The following AGMO variants were observed in gnomAD, a reference collection of about 807,000 sequenced individuals.
The protein encoded by AGMO is alkylglycerol monooxygenase.
A neutral mutation model predicts 60.2 loss-of-function variants in AGMO; 75 were observed. That is an observed-to-expected ratio of 1.25 (90% CI 1.03 to 1.51). The LOEUF (loss-of-function observed/expected upper bound fraction) is 1.51. Ranked by LOEUF, AGMO falls within the 40% of genes most tolerant of loss-of-function variation. AGMO has a pLI of 0.00. For missense variants in AGMO, 763 were observed against 525.5 expected (o/e 1.45, Z -4.42); for synonymous variants, 261 against 177.1 (o/e 1.47, Z -3.76).
chr7:15,177,661 A>G, the AGMO span, among the ~76,000 whole-genome samples: 1 of 152,098 alleles, frequency 6.6e-6, no homozygotes, highest in African/African-American at 2.4e-5. Context: ...AGCATGTCTT[A>G]ACTCTTACTC....
chr7:15,201,451 G>T, intron 12 of AGMO, 92 bp from the exon 13 acceptor site: 1 of 871,818 alleles, frequency 1.1e-6, no homozygotes, highest in South Asian at 1.7e-5. Context: ...AGAGGAAAAT[G>T]AACATGGACA....
At chr7:15,310,255 C>G (rs1453105460) in intron 12 of AGMO, among the ~76,000 whole-genome samples, 1 of 152,086 alleles carries the variant, frequency 6.6e-6, no homozygotes, top group Non-Finnish European at 1.5e-5. Context: ...AGTAAATGAT[C>G]AAAGCTGTGG....
At chr7:15,457,859 T>C (rs1165452097) in intron 3 of AGMO, among the ~76,000 whole-genome samples, 1 of 152,142 alleles carries the variant, frequency 6.6e-6, no homozygotes. Flanking sequence ...TTTCCAGGCT[T>C]TACTCTTTGG....
At chr7:15,148,436 G>A in the AGMO span, among the ~76,000 whole-genome samples, 1 of 152,068 alleles carries the variant, frequency 6.6e-6, no homozygotes, top group Non-Finnish European at 1.5e-5. Flanking sequence ...CACCCAGGTA[G>A]TGAGCATGGT....
chr7:15,223,667 T>C (rs1386804863), intron 12 of AGMO, among the ~76,000 whole-genome samples: 1 of 151,992 alleles, frequency 6.6e-6, no homozygotes, highest in African/African-American at 2.4e-5. Flanking sequence ...AATAAGACTC[T>C]GCTACATGAA....
chr7:15,372,080 T>C (rs1050401288), intron 10 of AGMO, among the ~76,000 whole-genome samples: 2 of 152,182 alleles, frequency 1.3e-5, no homozygotes, highest in African/African-American at 4.8e-5. Flanking sequence ...GGGTTCATTT[T>C]CCTATGGAAC....
chr7:15,193,840 C>A, the AGMO span, among the ~76,000 whole-genome samples: 1 of 152,042 alleles, frequency 6.6e-6, no homozygotes, highest in Non-Finnish European at 1.5e-5. Flanking sequence ...TGTCTGGCAG[C>A]AAAACATACT....
chr7:15,254,086 A>G (rs1364469487), intron 12 of AGMO, among the ~76,000 whole-genome samples: 1 of 152,080 alleles, frequency 6.6e-6, no homozygotes, highest in Non-Finnish European at 1.5e-5. Flanking sequence ...CATTGTGGAT[A>G]TGTGTAATAT....
At chr7:15,482,448 AAAT>A (rs1238379556) in intron 3 of AGMO, among the ~76,000 whole-genome samples, 3 of 152,284 alleles carry the variant, frequency 2.0e-5, no homozygotes, top group African/African-American at 7.2e-5. Context: ...ATCAAAAAGG[AAAT>A]AATAATTAGA....
chr7:15,411,840 A>G (rs111377464), intron 5 of AGMO, among the ~76,000 whole-genome samples: 2 of 152,090 alleles, frequency 1.3e-5, no homozygotes, highest in African/African-American at 4.8e-5. Flanking sequence ...AGATAAATAG[A>G]ATGGAGATAG....
chr7:15,188,490 A>G, the AGMO span, among the ~76,000 whole-genome samples: 2 of 152,216 alleles, frequency 1.3e-5, no homozygotes, highest in Non-Finnish European at 2.9e-5. Flanking sequence ...ACTGTCAATA[A>G]GGACATGAGT....
intron 3 of AGMO, among the ~76,000 whole-genome samples, chr7:15,437,424 T>C (rs567484250): frequency 6.6e-6 from 1 of 152,310 alleles, no homozygotes; most frequent in African/African-American, 2.4e-5. Flanking sequence ...AATTTGTAAG[T>C]TGGCTGGGCC....
intron 12 of AGMO, among the ~76,000 whole-genome samples, chr7:15,356,953 CAAAAAAA>C (rs917201250): frequency 7.8e-4 from 54 of 68,912 alleles, no homozygotes; most frequent in South Asian, 3.5e-3. Flanking sequence ...ACTAAAATTA[CAAAAAAA>C]AAAAAAAAAA....
intron 12 of AGMO, among the ~76,000 whole-genome samples, chr7:15,289,807 C>T (rs1784205137): frequency 6.6e-6 from 1 of 151,882 alleles, no homozygotes; most frequent in Admixed American, 6.6e-5. Context: ...TAAATAATTA[C>T]ATTCATTATA....
chr7:15,207,761 C>T (rs569208577), intron 12 of AGMO, among the ~76,000 whole-genome samples: 34 of 152,164 alleles, frequency 2.2e-4, no homozygotes, highest in Middle Eastern at 3.4e-3. Flanking sequence ...GGTGAAACCA[C>T]GTCTCTGCTA....
At chr7:15,355,114 G>A (rs990849804) in intron 12 of AGMO, among the ~76,000 whole-genome samples, 12 of 151,984 alleles carry the variant, frequency 7.9e-5, no homozygotes, top group Non-Finnish European at 7.4e-5. Flanking sequence ...GGGTGAATTT[G>A]GGATTAATTT....
chr7:15,218,806 A>C (rs1257024823), intron 12 of AGMO, among the ~76,000 whole-genome samples: 6 of 152,164 alleles, frequency 3.9e-5, no homozygotes, highest in African/African-American at 1.4e-4. Context: ...CACACAGTCC[A>C]CAATCAACCT....
intron 3 of AGMO, among the ~76,000 whole-genome samples, chr7:15,515,395 T>C (rs561119452): frequency 1.3e-5 from 2 of 152,312 alleles, no homozygotes; most frequent in South Asian, 4.1e-4. Context: ...AAACGGTTCC[T>C]TTCTCCCCAC....
chr7:15,492,423 T>C (rs991294346), intron 3 of AGMO, among the ~76,000 whole-genome samples: 4 of 151,766 alleles, frequency 2.6e-5, no homozygotes, highest in African/African-American at 9.7e-5. Context: ...GTCTAGACTT[T>C]CCGCAGGGCT....
Sources: allele counts gnomAD v4.1 joint callset (sites outside exome capture counted in the v4.1 genomes callset), GRCh38; gene constraint gnomAD v4.1.1; transcripts MANE v1.5; gene names NCBI Gene and HGNC (gene_info 2026-07-23, HGNC 2026-07-21).